Variants in ROBO2 observed in about 807,000 individuals in gnomAD.
ROBO2 encodes roundabout homolog 2.
ROBO2 carries 53 observed loss-of-function variants against 160.8 expected under a neutral mutation model. That is an observed-to-expected ratio of 0.33 (90% CI 0.26 to 0.41). The LOEUF (loss-of-function observed/expected upper bound fraction) is 0.41, where lower values mean the gene tolerates loss of function less well. ROBO2 is among the 10% of genes least tolerant of loss of function. The pLI is 1.00. For synonymous variants in ROBO2, 664 were observed against 611.7 expected, an observed-to-expected ratio of 1.09 and a Z score of -1.26; for missense variants, 1,577 against 1,722.4, an observed-to-expected ratio of 0.92 and a Z score of 1.49.
chr3:77,212,196 C>G (rs907452377), intron 2 of ROBO2, among the ~76,000 whole-genome samples: 2 of 152,156 alleles, frequency 1.3e-5, no homozygotes, highest in Non-Finnish European at 2.9e-5. Context: ...ATTGATTCTT[C>G]CTACCCATGA....
chr3:77,426,033 C>T (rs751480068), intron 2 of ROBO2, among the ~76,000 whole-genome samples: 4 of 152,008 alleles, frequency 2.6e-5, no homozygotes, highest in Non-Finnish European at 4.4e-5. Flanking sequence ...TGACCCAGTT[C>T]ATATTTTCTA....
intron 2 of ROBO2, among the ~76,000 whole-genome samples, chr3:76,443,542 G>A (rs144341601): frequency 6.6e-6 from 1 of 152,046 alleles, no homozygotes; most frequent in Non-Finnish European, 1.5e-5. Flanking sequence ...TCAGATAAGG[G>A]TTACTTAGGT....
chr3:76,338,161 C>A (rs969765298), intron 2 of ROBO2, among the ~76,000 whole-genome samples: 1 of 152,104 alleles, frequency 6.6e-6, no homozygotes, highest in Admixed American at 6.5e-5. Context: ...TCCTTCTCAG[C>A]CTATTAGTAA....
At chr3:76,201,630 G>T (rs536600345) in intron 2 of ROBO2, among the ~76,000 whole-genome samples, 20 of 152,144 alleles carry the variant, frequency 1.3e-4, no homozygotes, top group African/African-American at 4.8e-4. Flanking sequence ...TTCCCCATCT[G>T]TTAATTTTAT....
intron 2 of ROBO2, among the ~76,000 whole-genome samples, chr3:76,467,297 T>G (rs2078414282): frequency 6.6e-6 from 1 of 152,118 alleles, no homozygotes. Flanking sequence ...TTTAAAAAAC[T>G]CATGGTTACT....
intron 2 of ROBO2, among the ~76,000 whole-genome samples, chr3:76,300,874 A>G (rs1559733513): frequency 6.6e-6 from 1 of 152,056 alleles, no homozygotes; most frequent in Non-Finnish European, 1.5e-5. Flanking sequence ...GTTTAATGCT[A>G]CAGGACACAG....
At chr3:76,008,791 GAC>G (rs533625144) in intron 2 of ROBO2, among the ~76,000 whole-genome samples, 182 of 152,006 alleles carry the variant, frequency 1.2e-3, no homozygotes, top group Non-Finnish European at 2.1e-3. Context: ...TATGACAAAA[GAC>G]AGTTTAACAA....
chr3:77,561,941 T>A (rs2153661507), intron 9 of ROBO2, among the ~76,000 whole-genome samples: 1 of 152,054 alleles, frequency 6.6e-6, no homozygotes, highest in South Asian at 2.1e-4. Flanking sequence ...CTGTCTCTAC[T>A]AAAAATACAA....
At chr3:77,617,420 C>A (rs2153702872) in intron 21 of ROBO2, 93 bp from the exon 23 acceptor site, 1 of 1,383,368 alleles carries the variant, frequency 7.2e-7, no homozygotes. Flanking sequence ...ATTTCAGATA[C>A]CATGTGGTTG....
chr3:77,062,982 A>T (rs2149782384), intron 1 of ROBO2, among the ~76,000 whole-genome samples: 1 of 152,298 alleles, frequency 6.6e-6, no homozygotes, highest in East Asian at 1.9e-4. Flanking sequence ...TCTGAATTTT[A>T]TCCCAAGGAT....
At chr3:76,174,044 T>C (rs550005668) in intron 2 of ROBO2, among the ~76,000 whole-genome samples, 92 of 152,306 alleles carry the variant, frequency 6.0e-4, no homozygotes, top group African/African-American at 2.0e-3. Context: ...GACTTTTTAA[T>C]GATCACCATT....
At chr3:75,961,052 A>G (rs961564283) in intron 2 of ROBO2, among the ~76,000 whole-genome samples, 1 of 151,662 alleles carries the variant, frequency 6.6e-6, no homozygotes, top group Non-Finnish European at 1.5e-5. Context: ...GTAAAAATTT[A>G]CAGGAAGAAC....
At chr3:76,741,881 A>C (rs776959356) in intron 2 of ROBO2, among the ~76,000 whole-genome samples, 1 of 151,978 alleles carries the variant, frequency 6.6e-6, no homozygotes, top group Non-Finnish European at 1.5e-5. Flanking sequence ...TAGGGCATTG[A>C]GAGGTAAATG....
intron 2 of ROBO2, among the ~76,000 whole-genome samples, chr3:77,103,781 A>T (rs1268631450): frequency 6.6e-6 from 1 of 152,196 alleles, no homozygotes; most frequent in Non-Finnish European, 1.5e-5. Flanking sequence ...TAAATAGAAA[A>T]TTAAATTGAT....
Position 76,432,007 on chromosome 3 carries a change from A to G in ROBO2, c.109+494405A>G, listed in dbSNP as rs2076458480. On this transcript the variant is annotated intron_variant, in intron 2 of 26. Transcript: ENST00000487694. ...GAGGCTGTTGCTTAGAAGCATTAGA[A>G]TCCCACCTGTAGGAAAAGGGAATGA... Among the ~76,000 whole-genome samples the G allele has an allele frequency of 2.0e-5, 3 of 152,182 alleles. No homozygotes were observed. In the South Asian group the frequency reaches 6.2e-4, roughly 31 times the overall value.
chr3:76,395,575 C>G (rs1464492321), intron 2 of ROBO2, among the ~76,000 whole-genome samples: 1 of 150,418 alleles, frequency 6.6e-6, no homozygotes, highest in South Asian at 2.1e-4. Context: ...AGACCGCTAG[C>G]AAGACTAATA....
At chr3:76,012,111 T>C (rs2066211772) in intron 2 of ROBO2, among the ~76,000 whole-genome samples, 1 of 152,214 alleles carries the variant, frequency 6.6e-6, no homozygotes, top group Admixed American at 6.5e-5. Context: ...TTTATCTCTA[T>C]GTAGAGGTAG....
chr3:76,892,030 C>T (rs1297041337), intron 2 of ROBO2, among the ~76,000 whole-genome samples: 2 of 151,858 alleles, frequency 1.3e-5, no homozygotes, highest in Non-Finnish European at 2.9e-5. Context: ...TTAAACTTCT[C>T]GTGGGAATGG....
At chr3:76,400,712 A>G (rs530383457) in intron 2 of ROBO2, among the ~76,000 whole-genome samples, 30 of 151,710 alleles carry the variant, frequency 2.0e-4, no homozygotes, top group Non-Finnish European at 3.7e-4. Flanking sequence ...ACTTATTTAT[A>G]AAACTTGCTC....
Sources: allele counts gnomAD v4.1 joint callset (sites outside exome capture counted in the v4.1 genomes callset), GRCh38; gene constraint gnomAD v4.1.1; transcripts MANE v1.5; gene names NCBI Gene and HGNC (gene_info 2026-07-23, HGNC 2026-07-21).